Variants in BCL2L13 observed in about 807,000 individuals in gnomAD.
The protein encoded by BCL2L13 is BCL2 like 13, also known as bcl-2-like protein 13.
A neutral mutation model predicts 25.8 loss-of-function variants in BCL2L13; 13 were observed. That is an observed-to-expected ratio of 0.50 (90% CI 0.33 to 0.80). The LOEUF (loss-of-function observed/expected upper bound fraction) is 0.80, where lower values mean the gene tolerates loss of function less well. Among genes scored for constraint, BCL2L13 ranks in the 30% least tolerant of loss-of-function variants. The pLI is 0.02. For synonymous variants in BCL2L13, 244 were observed against 230.3 expected (o/e 1.06, Z -0.54); for missense variants, 504 against 574.9 (o/e 0.88, Z 1.26).
chr22:17,638,229 A>ACTT (rs1440195407), upstream of BCL2L13: 1 of 155,584 alleles, frequency 6.4e-6, no homozygotes. Flanking sequence ...ACTAGTTAAG[A>ACTT]CTTCCTTCAT....
chr22:17,664,855 C>T (rs1218913937), intron 2 of BCL2L13, among the ~76,000 whole-genome samples: 1 of 152,192 alleles, frequency 6.6e-6, no homozygotes, highest in African/African-American at 2.4e-5. Context: ...ATGCAGGGCA[C>T]CAAGTCCAGA....
At chr22:17,630,500 G>C (rs1477281763) in intron 1 of BCL2L13, among the ~76,000 whole-genome samples, 1 of 151,470 alleles carries the variant, frequency 6.6e-6, no homozygotes, top group East Asian at 1.9e-4. Flanking sequence ...GGCTGGTCTT[G>C]AACTGCTGAC....
chr22:17,705,751 G>A (rs2060572338), intron 6 of BCL2L13, among the ~76,000 whole-genome samples: 1 of 152,104 alleles, frequency 6.6e-6, no homozygotes, highest in African/African-American at 2.4e-5. Flanking sequence ...GATATCGCAT[G>A]TCTGTTATAT....
chr22:17,630,387 C>T (rs1420846024), intron 1 of BCL2L13, among the ~76,000 whole-genome samples: 1 of 151,530 alleles, frequency 6.6e-6, no homozygotes, highest in Non-Finnish European at 1.5e-5. Context: ...TCAAGTGATT[C>T]TCCTCCCTCA....
intron 1 of BCL2L13, among the ~76,000 whole-genome samples, chr22:17,652,790 C>T (rs961674644): frequency 3.3e-5 from 5 of 152,056 alleles, no homozygotes; most frequent in East Asian, 1.9e-4. Context: ...TGAGGCCAGG[C>T]GCGGTGGCTC....
chr22:17,715,170 A>AT (rs149600387), intron 6 of BCL2L13, among the ~76,000 whole-genome samples: 4 of 11,050 alleles, frequency 3.6e-4, no homozygotes, highest in Non-Finnish European at 4.7e-4. Context: ...ATATATATAT[A>AT]TTTTTTTTTT....
At chr22:17,645,405 A>G (rs2146422014) in intron 1 of BCL2L13, among the ~76,000 whole-genome samples, 1 of 150,606 alleles carries the variant, frequency 6.6e-6, no homozygotes, top group African/African-American at 2.5e-5. Context: ...TATTTTTAGT[A>G]GAGACAGGGT....
intron 1 of BCL2L13, among the ~76,000 whole-genome samples, chr22:17,640,130 A>G (rs2058221390): frequency 6.6e-6 from 1 of 152,190 alleles, no homozygotes; most frequent in African/African-American, 2.4e-5. Context: ...TTGGGATTAC[A>G]GGCGTGAGCC....
intron 1 of BCL2L13, among the ~76,000 whole-genome samples, chr22:17,632,588 T>C (rs1481402882): frequency 6.6e-6 from 1 of 152,150 alleles, no homozygotes; most frequent in Admixed American, 6.6e-5. Flanking sequence ...CCTGTATTTT[T>C]ACAGTGTTCT....
chr22:17,679,714 G>C (rs1015952347), intron 2 of BCL2L13, among the ~76,000 whole-genome samples: 6 of 152,100 alleles, frequency 3.9e-5, no homozygotes, highest in African/African-American at 1.4e-4. Context: ...AGCTTTTAAA[G>C]CTTTAAAAGG....
chr22:17,691,577 C>T (rs536176528), intron 4 of BCL2L13, among the ~76,000 whole-genome samples: 5 of 151,968 alleles, frequency 3.3e-5, no homozygotes, highest in Admixed American at 6.6e-5. Flanking sequence ...ACCTGGGAGG[C>T]GGAGCTTGCA....
intron 5 of BCL2L13, among the ~76,000 whole-genome samples, chr22:17,701,853 G>A (rs924777657): frequency 6.7e-6 from 1 of 150,060 alleles, no homozygotes; most frequent in Non-Finnish European, 1.5e-5. Flanking sequence ...GAACCTGGGA[G>A]GCGGAGGCTG....
At chr22:17,726,552 A>C in intron 6 of BCL2L13, 125 bp from the exon 7 acceptor site, 1 of 1,101,704 alleles carries the variant, frequency 9.1e-7, no homozygotes, top group South Asian at 1.6e-5. Context: ...TTCGGAAACT[A>C]TGTAGGTTTA....
At chr22:17,639,721 C>A (rs2058200716) in intron 1 of BCL2L13, among the ~76,000 whole-genome samples, 1 of 152,102 alleles carries the variant, frequency 6.6e-6, no homozygotes, top group Non-Finnish European at 1.5e-5. Context: ...GTTGTTGTTG[C>A]GTAAAACAAA....
chr22:17,646,476 T>C (rs2058475779), intron 1 of BCL2L13, among the ~76,000 whole-genome samples: 1 of 151,028 alleles, frequency 6.6e-6, no homozygotes, highest in Non-Finnish European at 1.5e-5. Context: ...CTCAAACTCC[T>C]GACCTCAGGT....
chr22:17,660,790 ATTTG>A (rs1434588120), intron 2 of BCL2L13, among the ~76,000 whole-genome samples: 1 of 144,726 alleles, frequency 6.9e-6, no homozygotes, highest in African/African-American at 2.5e-5. Context: ...CCATTTCTTT[ATTTG>A]TTTGCTTTTC....
At chr22:17,644,833 C>T (rs1168608486) in intron 1 of BCL2L13, among the ~76,000 whole-genome samples, 4 of 141,926 alleles carry the variant, frequency 2.8e-5, no homozygotes, top group African/African-American at 1.1e-4. Flanking sequence ...CTTTTTGAGA[C>T]GGAGTCTTGC....
At chr22:17,688,933 A>G in intron 3 of BCL2L13, 53 bp from the exon 4 acceptor site, 1 of 1,557,390 alleles carries the variant, frequency 6.4e-7, no homozygotes, top group Non-Finnish European at 8.7e-7. Context: ...ACACCCAGCT[A>G]ATTTTATAGA....
intron 6 of BCL2L13, among the ~76,000 whole-genome samples, chr22:17,718,499 C>G (rs2061009225): frequency 6.6e-6 from 1 of 152,036 alleles, no homozygotes; most frequent in African/African-American, 2.4e-5. Flanking sequence ...GTGAGGTACT[C>G]TTTGTTAGCA....
Sources: allele counts gnomAD v4.1 joint callset (sites outside exome capture counted in the v4.1 genomes callset), GRCh38; gene constraint gnomAD v4.1.1; transcripts MANE v1.5; gene names NCBI Gene and HGNC (gene_info 2026-07-23, HGNC 2026-07-21).